The following TWIST2 variants were observed in gnomAD, a reference collection of about 807,000 sequenced individuals.
TWIST2 encodes twist-related protein 2.
In TWIST2, 1 loss-of-function variant was observed where a neutral mutation model predicts 11.6. The ratio of observed to expected loss-of-function variants is 0.09; its 90% CI spans 0.03 to 0.41. TWIST2 has a LOEUF of 0.41. Among genes scored for constraint, TWIST2 ranks in the 10% least tolerant of loss-of-function variants. The pLI is 0.98. For missense variants in TWIST2, 168 were observed against 226.4 expected, an observed-to-expected ratio of 0.74 and a Z score of 1.66; for synonymous variants, 87 against 96.6, an observed-to-expected ratio of 0.90 and a Z score of 0.58.
intron 1 of TWIST2, among the ~76,000 whole-genome samples, chr2:238,875,302 G>T (rs1451795153): frequency 6.6e-6 from 1 of 151,812 alleles, no homozygotes; most frequent in African/African-American, 2.4e-5. Flanking sequence ...CCACAGATGA[G>T]ACAGAAGGTG....
chr2:238,870,124 CCACACACACACCACACCCCAT>C (rs1559273389), intron 1 of TWIST2, among the ~76,000 whole-genome samples: 12 of 78,776 alleles, frequency 1.5e-4, no homozygotes, highest in African/African-American at 4.5e-4. Flanking sequence ...CATACACCCC[CCACACACACACCACACCCCAT>C]ACACACCACA....
chr2:238,881,623 A>ATTAGTG (rs1383531069), intron 1 of TWIST2, among the ~76,000 whole-genome samples: 5 of 152,106 alleles, frequency 3.3e-5, no homozygotes, highest in African/African-American at 1.2e-4. Flanking sequence ...ATTTATTAGC[A>ATTAGTG]TTAGTGTTAG....
intron 1 of TWIST2, among the ~76,000 whole-genome samples, chr2:238,860,393 C>T (rs1205609330): frequency 1.3e-5 from 2 of 151,396 alleles, no homozygotes; most frequent in African/African-American, 4.9e-5. Context: ...GTCAAAACCG[C>T]CCACCCAAGA....
At chr2:238,865,110 A>G (rs1692508884) in intron 1 of TWIST2, among the ~76,000 whole-genome samples, 1 of 152,220 alleles carries the variant, frequency 6.6e-6, no homozygotes, top group African/African-American at 2.4e-5. Context: ...AATTATTTTC[A>G]TCCTCAGAAT....
rs1343869801 is a variant in TWIST2, at chr2:238,907,858, T to TAC, written c.*36-1979_*36-1978dup. 2.8e-5 allele frequency among the ~76,000 whole-genome samples: 3 copies of TAC among 107,392 alleles called. No individual in the cohort carries two copies. In the Admixed American group the frequency reaches 2.9e-4, roughly 10 times the overall value. 70.5% of individuals were successfully genotyped at this position (107,392 alleles called of 152,430 possible). A position where few individuals can be genotyped will look rare whatever the true frequency, so the allele number is the denominator to read the frequency against. ...TACACACACACCCCCACACTGTACA[T>TAC]ACACACCACATACACACACACCACA... On this transcript the variant is annotated intron_variant, in intron 1 of 1. Coordinates refer to ENST00000612363, the MANE Select transcript of TWIST2 (RefSeq NM_001271893.4).
intron 1 of TWIST2, among the ~76,000 whole-genome samples, chr2:238,881,550 A>T (rs1012834300): frequency 6.6e-6 from 1 of 152,060 alleles, no homozygotes; most frequent in Non-Finnish European, 1.5e-5. Context: ...AGTATTTATT[A>T]GTATTAGCGT....
chr2:238,872,658 C>T (rs149701378), intron 1 of TWIST2, among the ~76,000 whole-genome samples: 19,182 of 152,200 alleles, frequency 0.13, 1,370 homozygotes, highest in African/African-American at 0.19. Flanking sequence ...TTATTAAATA[C>T]GTAGCATCTA....
At chr2:238,902,635 TGAG>T (rs1693283824) in intron 1 of TWIST2, among the ~76,000 whole-genome samples, 2 of 145,636 alleles carry the variant, frequency 1.4e-5, no homozygotes, top group East Asian at 2.1e-4. Flanking sequence ...GTGTGTGATA[TGAG>T]GTGTGTGATG....
intron 1 of TWIST2, among the ~76,000 whole-genome samples, chr2:238,856,501 A>C (rs1264912868): frequency 1.3e-5 from 2 of 152,146 alleles, no homozygotes; most frequent in African/African-American, 4.8e-5. Context: ...TGTGTACATT[A>C]GTCTATCATT....
At chr2:238,861,053 T>G (rs1692425614) in intron 1 of TWIST2, among the ~76,000 whole-genome samples, 1 of 152,110 alleles carries the variant, frequency 6.6e-6, no homozygotes, top group South Asian at 2.1e-4. Context: ...GGAAAGAGAT[T>G]CCCAAAAGCT....
rs1491394604 is a variant in TWIST2, at chr2:238,902,975, ATG to A, written c.*36-6864_*36-6863del. On this transcript the variant is annotated intron_variant, in intron 1 of 1. Coordinates refer to ENST00000612363, the MANE Select transcript of TWIST2 (RefSeq NM_001271893.4). ...GTGAGGTGTGTGTGATGTGTGTGTG[ATG>A]TGGGTGTGTGATGGGTATGTGCGTG... is the stretch of plus-strand genomic sequence containing the variant. Among the ~76,000 whole-genome samples the A allele has an allele frequency of 1.8e-3, 7 of 3,912 alleles. 1 individual carries two copies. The highest frequency in any genetic ancestry group is 3.4e-3 in the Admixed American group (1 of 298). The allele number at this position is 3,912 out of a possible 152,430, so 2.6% of individuals were successfully genotyped here. A position where few individuals can be genotyped will look rare whatever the true frequency, so the allele number is the denominator to read the frequency against.
At chr2:238,902,316 GTA>G (rs1693277080) in intron 1 of TWIST2, among the ~76,000 whole-genome samples, 1 of 151,426 alleles carries the variant, frequency 6.6e-6, no homozygotes, top group Non-Finnish European at 1.5e-5. Context: ...TGTGTGATGT[GTA>G]TGTGTGGTGT....
At chr2:238,873,777 C>T (rs147731612) in intron 1 of TWIST2, among the ~76,000 whole-genome samples, 26 of 152,142 alleles carry the variant, frequency 1.7e-4, no homozygotes, top group African/African-American at 6.0e-4. Flanking sequence ...CCTGAGGGTA[C>T]GTTCCGGAAC....
intron 1 of TWIST2, among the ~76,000 whole-genome samples, chr2:238,860,708 C>G (rs541438648): frequency 6.6e-6 from 1 of 152,148 alleles, no homozygotes; most frequent in African/African-American, 2.4e-5. Flanking sequence ...GAGGCCGAGG[C>G]GGGTGGATCA....
intron 1 of TWIST2, among the ~76,000 whole-genome samples, chr2:238,881,960 GTCTC>G (rs1161083361): frequency 6.6e-6 from 1 of 151,892 alleles, no homozygotes; most frequent in Non-Finnish European, 1.5e-5. Context: ...TTCTCTTCCT[GTCTC>G]TCTCTCCATC....
intron 1 of TWIST2, among the ~76,000 whole-genome samples, chr2:238,854,927 A>G (rs1443189328): frequency 2.0e-5 from 3 of 152,336 alleles, no homozygotes; most frequent in South Asian, 2.1e-4. Flanking sequence ...CACGAGATCT[A>G]CAAGTACCGT....
chr2:238,858,895 A>G (rs1419377786), intron 1 of TWIST2, among the ~76,000 whole-genome samples: 2 of 152,224 alleles, frequency 1.3e-5, no homozygotes, highest in Non-Finnish European at 2.9e-5. Context: ...GCCCATTCGT[A>G]CAATGGAATG....
At position 238,863,884 on chromosome 2, in the gene TWIST2, C is replaced by T. The variant is rs1432761988; in HGVS notation, c.*35+15151C>T. Among the ~76,000 whole-genome samples the T allele has an allele frequency of 1.3e-5, 2 of 152,058 alleles. No homozygotes were observed. Among genetic ancestry groups the T allele is most frequent in the African/African-American group, 2.4e-5 (1 of 41,370 alleles). Reference sequence around the variant, plus strand: ...TGTGTGGGACTGAGGAGAGGTCGGCCGTAGAGTAGGTCTACCCCCTATCCT... The same window carrying T: ...TGTGTGGGACTGAGGAGAGGTCGGCTGTAGAGTAGGTCTACCCCCTATCCT... On this transcript the variant is annotated intron_variant, in intron 1 of 1. Coordinates refer to ENST00000612363, the MANE Select transcript of TWIST2 (RefSeq NM_001271893.4). The surrounding 1 kb of genome is among the most constrained non-coding windows in gnomAD (Gnocchi z 4.7).
chr2:238,849,703 G>C (rs1692210172), intron 1 of TWIST2, among the ~76,000 whole-genome samples: 1 of 152,218 alleles, frequency 6.6e-6, no homozygotes, highest in Non-Finnish European at 1.5e-5. Context: ...TCCAAGTTCT[G>C]GTTTCCTCTG....
Sources: gnomAD v4.1 joint callset for allele counts (sites outside exome capture counted in the v4.1 genomes callset) on GRCh38, gnomAD v4.1.1 for gene constraint, Gnocchi (gnomAD v3.1) non-coding constraint, MANE v1.5 for transcripts, NCBI Gene and HGNC (gene_info 2026-07-23, HGNC 2026-07-21) for gene names.